RABGAP1L: variants seen among roughly 807,000 people sequenced by gnomAD.
The protein encoded by RABGAP1L is RAB GTPase activating protein 1 like, also known as rab GTPase-activating protein 1-like.
In RABGAP1L, 63 loss-of-function variants were observed where a neutral mutation model predicts 137.7. That is an observed-to-expected ratio of 0.46 (90% CI 0.37 to 0.56). The LOEUF (loss-of-function observed/expected upper bound fraction) is 0.56, where lower values mean the gene tolerates loss of function less well. RABGAP1L is among the 20% of genes least tolerant of loss of function. The pLI is 0.00. For missense variants in RABGAP1L, 1,095 were observed against 1,244.0 expected (o/e 0.88, Z 1.80); for synonymous variants, 431 against 433.7 (o/e 0.99, Z 0.08).
intron 10 of RABGAP1L, among the ~76,000 whole-genome samples, chr1:174,279,821 A>G (rs1675337094): frequency 6.6e-6 from 1 of 151,904 alleles, no homozygotes. Flanking sequence ...CTTCCTCCCC[A>G]TCCTTCTTTT....
intron 13 of RABGAP1L, among the ~76,000 whole-genome samples, chr1:174,550,877 TATATATATATATATATATAC>T (rs1666388196): frequency 2.3e-5 from 2 of 85,576 alleles, no homozygotes; most frequent in East Asian, 4.6e-4. Context: ...TATATATATA[TATATATATATATATATATAC>T]ACACACACAT....
chr1:174,818,490 G>C (rs1690668745), intron 19 of RABGAP1L, among the ~76,000 whole-genome samples: 1 of 152,184 alleles, frequency 6.6e-6, no homozygotes, highest in African/African-American at 2.4e-5. Flanking sequence ...ATGATTCAAG[G>C]AATAAATAGC....
intron 13 of RABGAP1L, among the ~76,000 whole-genome samples, chr1:174,456,304 T>C (rs371481449): frequency 1.3e-5 from 2 of 152,108 alleles, no homozygotes; most frequent in East Asian, 1.9e-4. Context: ...TATTGAGATA[T>C]GTAGAATAAA....
At position 174,530,951 on chromosome 1, in the gene RABGAP1L, A is replaced by G. The variant is rs1664348298; in HGVS notation, c.1711-106424A>G. The stretch of plus-strand genomic sequence containing the variant: ...AAAGGGTTAGAAAATGAAGTTGAGC[A>G]TATCTCTAGAAAACAGTACAGAGAG... On this transcript the variant is annotated intron_variant, in intron 13 of 25. Transcript: ENST00000681986. Among the ~76,000 whole-genome samples, 3 of 152,192 alleles carry G rather than the reference A, an allele frequency of 2.0e-5. No homozygotes were observed. In the South Asian group the frequency reaches 6.2e-4, roughly 31 times the overall value.
chr1:174,916,875 C>G (rs1328655768), intron 19 of RABGAP1L, among the ~76,000 whole-genome samples: 2 of 152,158 alleles, frequency 1.3e-5, no homozygotes, highest in Non-Finnish European at 2.9e-5. Context: ...AAGCAGGTGT[C>G]TTAGTCAACT....
At chr1:174,973,313 A>G (rs1308446063) in intron 21 of RABGAP1L, among the ~76,000 whole-genome samples, 1 of 151,770 alleles carries the variant, frequency 6.6e-6, no homozygotes, top group African/African-American at 2.4e-5. Context: ...TAGCATAAAC[A>G]TTTAGGTGTT....
intron 17 of RABGAP1L, among the ~76,000 whole-genome samples, chr1:174,730,785 T>A (rs1042575232): frequency 6.6e-6 from 1 of 151,964 alleles, no homozygotes; most frequent in Non-Finnish European, 1.5e-5. Context: ...AAGTTCAAGG[T>A]CCTAAAGGAA....
intron 18 of RABGAP1L, among the ~76,000 whole-genome samples, chr1:174,754,226 A>G (rs557856115): frequency 2.0e-5 from 3 of 152,130 alleles, no homozygotes; most frequent in Non-Finnish European, 2.9e-5. Flanking sequence ...CCTTCTCACC[A>G]CTAGTGCCCT....
intron 13 of RABGAP1L, among the ~76,000 whole-genome samples, chr1:174,502,567 A>C (rs1366387124): frequency 9.0e-6 from 1 of 110,826 alleles, no homozygotes. Context: ...ATGCAGAAGA[A>C]AGTACACGGT....
intron 18 of RABGAP1L, among the ~76,000 whole-genome samples, chr1:174,805,736 A>G (rs1689229674): frequency 6.6e-6 from 1 of 152,182 alleles, no homozygotes; most frequent in Admixed American, 6.5e-5. Flanking sequence ...ACCTGACCTC[A>G]AGTGATTCAC....
chr1:174,541,853 T>A (rs1204432691), intron 13 of RABGAP1L, among the ~76,000 whole-genome samples: 1 of 152,194 alleles, frequency 6.6e-6, no homozygotes, highest in African/African-American at 2.4e-5. Flanking sequence ...GAGATAATCA[T>A]CTGTTTTTTG....
intron 15 of RABGAP1L, among the ~76,000 whole-genome samples, chr1:174,686,479 A>G (rs60723087): frequency 0.078 from 11,899 of 151,922 alleles, 642 homozygotes; most frequent in East Asian, 0.32. Flanking sequence ...ACTAGAATCT[A>G]GAATAGTCAG....
At chr1:174,449,921 C>T (rs1389565886) in intron 13 of RABGAP1L, among the ~76,000 whole-genome samples, 2 of 151,988 alleles carry the variant, frequency 1.3e-5, no homozygotes, top group African/African-American at 2.4e-5. Context: ...GATCTGCATC[C>T]ATTGGTACCT....
intron 17 of RABGAP1L, among the ~76,000 whole-genome samples, chr1:174,713,338 A>C (rs1680733752): frequency 6.6e-6 from 1 of 152,190 alleles, no homozygotes; most frequent in Non-Finnish European, 1.5e-5. Flanking sequence ...AATATTTGAA[A>C]AATATTATTG....
chr1:174,852,642 C>T (rs1232133610), intron 19 of RABGAP1L, among the ~76,000 whole-genome samples: 3 of 151,890 alleles, frequency 2.0e-5, no homozygotes, highest in Non-Finnish European at 4.4e-5. Context: ...AGTGAAACCC[C>T]ATCGCTACTA....
intron 13 of RABGAP1L, among the ~76,000 whole-genome samples, chr1:174,519,718 A>C (rs1189538457): frequency 6.6e-6 from 1 of 152,234 alleles, no homozygotes; most frequent in African/African-American, 2.4e-5. Flanking sequence ...TACATGGTAC[A>C]TCTATTGAGT....
chr1:174,792,033 G>A (rs1030047912), intron 18 of RABGAP1L, among the ~76,000 whole-genome samples: 3 of 152,196 alleles, frequency 2.0e-5, no homozygotes, highest in Non-Finnish European at 4.4e-5. Flanking sequence ...TTCTTTATGG[G>A]ATACATTACT....
chr1:174,310,373 A>T (rs1678712203), intron 11 of RABGAP1L, among the ~76,000 whole-genome samples: 1 of 152,170 alleles, frequency 6.6e-6, no homozygotes, highest in South Asian at 2.1e-4. Flanking sequence ...GGCCTAACAT[A>T]TGATCTGTTC....
intron 14 of RABGAP1L, among the ~76,000 whole-genome samples, chr1:174,673,077 A>C (rs1175398855): frequency 6.6e-6 from 1 of 152,152 alleles, no homozygotes; most frequent in Non-Finnish European, 1.5e-5. Context: ...CACACATAAG[A>C]GTGTATGAGG....
Sources: allele counts gnomAD v4.1 joint callset (sites outside exome capture counted in the v4.1 genomes callset), GRCh38; gene constraint gnomAD v4.1.1; transcripts MANE v1.5; gene names NCBI Gene and HGNC (gene_info 2026-07-23, HGNC 2026-07-21).